Variants in IPCEF1 observed in about 807,000 individuals in gnomAD.
IPCEF1 encodes the protein interaction protein for cytohesin exchange factors 1.
A neutral mutation model predicts 50.9 loss-of-function variants in IPCEF1; 31 were observed. That is an observed-to-expected ratio of 0.61 (90% CI 0.46 to 0.82). The LOEUF is 0.82. Among genes scored for constraint, IPCEF1 ranks in the 40% least tolerant of loss-of-function variants. The pLI is 0.00. For missense variants in IPCEF1, 458 were observed against 514.0 expected (o/e 0.89, Z 1.05); for synonymous variants, 181 against 192.0 (o/e 0.94, Z 0.47).
chr6:154,185,717 A>G (rs994954660), intron 10 of IPCEF1, among the ~76,000 whole-genome samples: 1 of 152,162 alleles, frequency 6.6e-6, no homozygotes, highest in Non-Finnish European at 1.5e-5. Context: ...TAGAAGAAGA[A>G]GAAGAACTGT....
chr6:154,320,820 A>T (rs572213794), intron 1 of IPCEF1, among the ~76,000 whole-genome samples: 29 of 152,174 alleles, frequency 1.9e-4, no homozygotes, highest in Non-Finnish European at 3.8e-4. Context: ...CAGCCTGGGC[A>T]ACATAGCAAG....
intron 10 of IPCEF1, among the ~76,000 whole-genome samples, chr6:154,194,614 C>A (rs1445618575): frequency 2.0e-5 from 3 of 152,166 alleles, no homozygotes; most frequent in Non-Finnish European, 2.9e-5. Context: ...ATCTCCCATA[C>A]CTTTGCCCCA....
chr6:154,188,176 A>G (rs952739652), intron 10 of IPCEF1, among the ~76,000 whole-genome samples: 1 of 152,256 alleles, frequency 6.6e-6, no homozygotes. Flanking sequence ...TTAAAAATGC[A>G]TTTTAAAAAC....
At chr6:154,166,459 G>A (rs569278693) in intron 11 of IPCEF1, among the ~76,000 whole-genome samples, 5 of 152,294 alleles carry the variant, frequency 3.3e-5, no homozygotes, top group Admixed American at 6.5e-5. Context: ...CTTATTATCC[G>A]TTGACAGACA....
intron 3 of IPCEF1, among the ~76,000 whole-genome samples, chr6:154,260,243 A>C (rs935468411): frequency 2.0e-5 from 3 of 152,220 alleles, no homozygotes; most frequent in Non-Finnish European, 2.9e-5. Context: ...ACATGCATTC[A>C]CATCCACTGA....
intron 3 of IPCEF1, among the ~76,000 whole-genome samples, chr6:154,262,410 A>G (rs571179941): frequency 1.3e-5 from 2 of 152,350 alleles, no homozygotes; most frequent in East Asian, 3.9e-4. Flanking sequence ...TTGTAGATGT[A>G]GAGACTTTAA....
chr6:154,321,808 C>CAAG (rs1471739425), intron 1 of IPCEF1, among the ~76,000 whole-genome samples: 41 of 120,020 alleles, frequency 3.4e-4, no homozygotes, highest in Non-Finnish European at 5.9e-4. Flanking sequence ...AAAAAAAAAC[C>CAAG]AAGGAACCTT....
At chr6:154,212,666 C>A in intron 9 of IPCEF1, 104 bp downstream of exon 9, 2 of 728,714 alleles carry the variant, frequency 2.7e-6, no homozygotes, top group South Asian at 1.9e-5. Context: ...CTTAATTTAG[C>A]CCATTCTAAA....
chr6:154,253,334 G>C (rs1048269415), intron 3 of IPCEF1, among the ~76,000 whole-genome samples: 1 of 152,044 alleles, frequency 6.6e-6, no homozygotes, highest in Non-Finnish European at 1.5e-5. Context: ...CACCACATCC[G>C]ACCTCCTTTG....
intron 1 of IPCEF1, among the ~76,000 whole-genome samples, chr6:154,342,036 G>A (rs186400647): frequency 7.7e-4 from 117 of 152,158 alleles, no homozygotes; most frequent in African/African-American, 2.7e-3. Context: ...ATGAATAGCC[G>A]TTACTGGCAT....
At chr6:154,177,450 C>A (rs1373134487) in intron 10 of IPCEF1, among the ~76,000 whole-genome samples, 4 of 152,048 alleles carry the variant, frequency 2.6e-5, no homozygotes, top group African/African-American at 9.7e-5. Context: ...AAGAAAAAAA[C>A]AAACAACCCC....
intron 9 of IPCEF1, among the ~76,000 whole-genome samples, chr6:154,200,368 C>T (rs1357662822): frequency 2.0e-5 from 3 of 152,078 alleles, no homozygotes; most frequent in Non-Finnish European, 2.9e-5. Flanking sequence ...ACACTTTGAG[C>T]AAAATATAAT....
intron 10 of IPCEF1, among the ~76,000 whole-genome samples, chr6:154,181,570 A>AAT (rs1800872784): frequency 6.6e-6 from 1 of 152,222 alleles, no homozygotes; most frequent in South Asian, 2.1e-4. Flanking sequence ...CAAATTAGGC[A>AAT]ATATATAGTC....
intron 1 of IPCEF1, among the ~76,000 whole-genome samples, chr6:154,350,700 C>G (rs1168186803): frequency 5.3e-5 from 8 of 152,106 alleles, no homozygotes; most frequent in Admixed American, 5.2e-4. Flanking sequence ...TCATTTGGCC[C>G]ATACATCAAC....
intron 6 of IPCEF1, among the ~76,000 whole-genome samples, chr6:154,222,772 T>C (rs1778966809): frequency 6.6e-6 from 1 of 152,220 alleles, no homozygotes; most frequent in Non-Finnish European, 1.5e-5. Flanking sequence ...GACAACTCCA[T>C]GAACTAAGAA....
chr6:154,350,073 C>T (rs1359546572), intron 1 of IPCEF1, among the ~76,000 whole-genome samples: 2 of 152,106 alleles, frequency 1.3e-5, no homozygotes. Flanking sequence ...CATTAAAGTA[C>T]TTATGCAGGT....
intron 1 of IPCEF1, among the ~76,000 whole-genome samples, chr6:154,335,339 G>A (rs1484794346): frequency 1.3e-5 from 2 of 152,160 alleles, no homozygotes; most frequent in African/African-American, 4.8e-5. Flanking sequence ...TGGGACATGA[G>A]CTTCTGAACC....
chr6:154,273,724 C>CTTTTTTTTCTTTTTTTT (rs1781961915), intron 2 of IPCEF1, among the ~76,000 whole-genome samples: 2 of 63,318 alleles, frequency 3.2e-5, no homozygotes, highest in African/African-American at 1.1e-4. Flanking sequence ...TTCTTTCTTT[C>CTTTTTTTTCTTTTTTTT]TTTTTTTTTT....
At chr6:154,277,168 G>C (rs1186916433) in intron 2 of IPCEF1, among the ~76,000 whole-genome samples, 1 of 152,146 alleles carries the variant, frequency 6.6e-6, no homozygotes, top group Admixed American at 6.5e-5. Context: ...ATGAATTGAA[G>C]GCTTAAACCA....
Sources: allele counts gnomAD v4.1 joint callset (sites outside exome capture counted in the v4.1 genomes callset), GRCh38; gene constraint gnomAD v4.1.1; transcripts MANE v1.5; gene names NCBI Gene and HGNC (gene_info 2026-07-23, HGNC 2026-07-21).